Variants in EBF2 observed in about 807,000 individuals in gnomAD.
The protein encoded by EBF2 is EBF transcription factor 2.
EBF2 carries 21 observed loss-of-function variants against 72.8 expected under a neutral mutation model. The observed-to-expected ratio is 0.29, with a 90% CI of 0.20 to 0.42. The LOEUF is 0.42. Among genes scored for constraint, EBF2 ranks in the 10% least tolerant of loss-of-function variants. The pLI is 1.00. For missense variants in EBF2, 637 were observed against 731.2 expected, an observed-to-expected ratio of 0.87 and a Z score of 1.49; for synonymous variants, 299 against 274.2, an observed-to-expected ratio of 1.09 and a Z score of -0.89.
intron 14 of EBF2, 120 bp downstream of exon 14, chr8:25,858,199 A>T: frequency 8.0e-7 from 1 of 1,254,082 alleles, no homozygotes; most frequent in South Asian, 1.3e-5. Flanking sequence ...TAATCAGGAA[A>T]CTAGGCTGCT....
At chr8:25,897,743 C>T (rs1010795065) in intron 7 of EBF2, among the ~76,000 whole-genome samples, 4 of 152,208 alleles carry the variant, frequency 2.6e-5, no homozygotes, top group Non-Finnish European at 5.9e-5. Flanking sequence ...CTATGTACCA[C>T]ATTTTATCTG....
chr8:26,018,738 CTGA>C (rs537343335), intron 6 of EBF2, among the ~76,000 whole-genome samples: 266 of 151,908 alleles, frequency 1.8e-3, no homozygotes, highest in Non-Finnish European at 3.0e-3. Flanking sequence ...GCACCGTGTG[CTGA>C]TGTGTAGTTG....
chr8:25,953,361 T>G (rs1231554223), intron 6 of EBF2, among the ~76,000 whole-genome samples: 2 of 152,216 alleles, frequency 1.3e-5, no homozygotes, highest in African/African-American at 4.8e-5. Flanking sequence ...AAACATGATT[T>G]TCCTTAAGGT....
chr8:26,039,192 A>G (rs1011663167), intron 5 of EBF2, among the ~76,000 whole-genome samples: 5 of 152,142 alleles, frequency 3.3e-5, no homozygotes, highest in Non-Finnish European at 5.9e-5. Context: ...TGTTGAAAGA[A>G]TAAGGGTAGA....
At chr8:25,955,498 A>G in intron 6 of EBF2, among the ~76,000 whole-genome samples, 1 of 152,346 alleles carries the variant, frequency 6.6e-6, no homozygotes, top group Non-Finnish European at 1.5e-5. Context: ...TTTTACCACT[A>G]TAAAAAATGT....
chr8:26,043,335 A>G (rs1805640702), intron 1 of EBF2, among the ~76,000 whole-genome samples: 1 of 152,216 alleles, frequency 6.6e-6, no homozygotes, highest in African/African-American at 2.4e-5. Context: ...AAGGGGTAAC[A>G]TTTTGGCTAA....
chr8:26,038,993 G>A (rs1805555821), intron 5 of EBF2, among the ~76,000 whole-genome samples: 1 of 152,182 alleles, frequency 6.6e-6, no homozygotes, highest in African/African-American at 2.4e-5. Context: ...AAGTAAGGAA[G>A]AATTGAGACT....
At chr8:25,887,498 T>C (rs1183995033) in intron 9 of EBF2, among the ~76,000 whole-genome samples, 1 of 152,210 alleles carries the variant, frequency 6.6e-6, no homozygotes, top group African/African-American at 2.4e-5. Context: ...TACCTTTGTA[T>C]AAATGTGTGT....
intron 6 of EBF2, among the ~76,000 whole-genome samples, chr8:26,017,253 C>T (rs1244087409): frequency 1.3e-5 from 2 of 152,044 alleles, no homozygotes; most frequent in African/African-American, 4.8e-5. Flanking sequence ...CATGTGCCCA[C>T]CCTGTCTAAA....
At chr8:25,907,522 A>C (rs924017802) in intron 7 of EBF2, among the ~76,000 whole-genome samples, 1 of 150,470 alleles carries the variant, frequency 6.6e-6, no homozygotes, top group Admixed American at 6.7e-5. Flanking sequence ...GCATGCCCAC[A>C]GTGTGCTGGA....
At chr8:26,016,205 G>C (rs1333806019) in intron 6 of EBF2, among the ~76,000 whole-genome samples, 2 of 152,170 alleles carry the variant, frequency 1.3e-5, no homozygotes, top group African/African-American at 2.4e-5. Flanking sequence ...TCTGAGCATA[G>C]AGCAGCGATT....
intron 15 of EBF2, among the ~76,000 whole-genome samples, chr8:25,844,864 T>A (rs530219425): frequency 6.6e-6 from 1 of 152,222 alleles, no homozygotes; most frequent in Non-Finnish European, 1.5e-5. Flanking sequence ...GAAACCTTGA[T>A]GAAGTTTTGC....
At chr8:25,846,881 CTT>C (rs1267698710) in intron 15 of EBF2, among the ~76,000 whole-genome samples, 1 of 152,150 alleles carries the variant, frequency 6.6e-6, no homozygotes, top group Non-Finnish European at 1.5e-5. Context: ...TGGAAACTGA[CTT>C]TTTGCTTGTA....
intron 5 of EBF2, among the ~76,000 whole-genome samples, chr8:26,034,013 T>G (rs1240869141): frequency 2.0e-5 from 3 of 152,176 alleles, no homozygotes; most frequent in Non-Finnish European, 4.4e-5. Flanking sequence ...CAGATTGATA[T>G]TCAATGATTT....
At position 25,962,586 on chromosome 8, in the gene EBF2, T is replaced by C. The variant is rs377513190; in HGVS notation, c.552-54031A>G. ...CTGCAAGTGTGTGACATCAACATGT[T>C]TTCCTCAGCTAACAGGCTTCTCTAT... On this transcript the variant is annotated intron_variant, in intron 6 of 15. Transcript: ENST00000520164. 2.0e-4 allele frequency among the ~76,000 whole-genome samples: 30 copies of C among 151,966 alleles called. No homozygotes were observed. In the East Asian group the frequency reaches 5.0e-3, roughly 25 times the overall value.
intron 10 of EBF2, among the ~76,000 whole-genome samples, chr8:25,884,523 C>T (rs1802658026): frequency 6.6e-6 from 1 of 152,188 alleles, no homozygotes; most frequent in Non-Finnish European, 1.5e-5. Flanking sequence ...CCTTCCCTTA[C>T]TTCTCACTAT....
At chr8:25,989,109 T>A (rs1237533703) in intron 6 of EBF2, among the ~76,000 whole-genome samples, 1 of 152,232 alleles carries the variant, frequency 6.6e-6, no homozygotes, top group African/African-American at 2.4e-5. Context: ...CTTAGCCTCT[T>A]TGGGCCTCAG....
rs112893935 is a variant in EBF2 at position 26,024,771 on chromosome 8, A to G, written c.551+8314T>C. 1.3e-3 allele frequency among the ~76,000 whole-genome samples: 193 copies of G among 152,322 alleles called. 4 individuals are homozygous for G. The highest frequency in any genetic ancestry group is 4.4e-3 in the African/African-American group (184 of 41,576). ...TAATTGCCCTGACTTTTTTTAAAGC[A>G]TCTGTTGTATCATGCACTATGTGGG... On this transcript the variant is annotated intron_variant, in intron 6 of 15. Transcript: ENST00000520164.
intron 6 of EBF2, among the ~76,000 whole-genome samples, chr8:26,003,417 C>T (rs1804775623): frequency 6.6e-6 from 1 of 152,112 alleles, no homozygotes; most frequent in Non-Finnish European, 1.5e-5. Flanking sequence ...AACCCTCTCC[C>T]CAAAAGAAGG....
Sources: allele counts gnomAD v4.1 joint callset (sites outside exome capture counted in the v4.1 genomes callset), GRCh38; gene constraint gnomAD v4.1.1; transcripts MANE v1.5; gene names NCBI Gene and HGNC (gene_info 2026-07-23, HGNC 2026-07-21).